PLCH1: variants seen among roughly 807,000 people sequenced by gnomAD.
PLCH1 encodes the protein phospholipase C eta 1, also known as 1-phosphatidylinositol 4,5-bisphosphate phosphodiesterase eta-1.
In PLCH1, 60 loss-of-function variants were observed where a neutral mutation model predicts 126.7. The observed-to-expected ratio is 0.47, with a 90% CI of 0.38 to 0.59. The LOEUF is 0.59. PLCH1 is among the 20% of genes least tolerant of loss of function. The pLI is 0.00. For missense variants in PLCH1, 1,723 were observed against 2,040.0 expected (o/e 0.84, Z 2.99); for synonymous variants, 719 against 734.9 (o/e 0.98, Z 0.35).
intron 10 of PLCH1, among the ~76,000 whole-genome samples, chr3:155,548,532 T>G (rs1054647785): frequency 1.3e-5 from 2 of 152,222 alleles, no homozygotes; most frequent in African/African-American, 4.8e-5. Flanking sequence ...CACTGTGAGT[T>G]CCACTGTCCA....
At chr3:155,692,938 A>G (rs924539141) in intron 2 of PLCH1, among the ~76,000 whole-genome samples, 4 of 151,872 alleles carry the variant, frequency 2.6e-5, no homozygotes, top group Non-Finnish European at 5.9e-5. Flanking sequence ...GCACGCTGCC[A>G]CGCCCGGCTA....
intron 21 of PLCH1, among the ~76,000 whole-genome samples, chr3:155,468,612 A>G (rs929631746): frequency 6.6e-6 from 1 of 152,258 alleles, no homozygotes; most frequent in Admixed American, 6.5e-5. Context: ...CAGACAAAAT[A>G]GATTTCAAGA....
intron 1 of PLCH1, among the ~76,000 whole-genome samples, chr3:155,716,433 G>C (rs1481319268): frequency 1.3e-5 from 2 of 152,230 alleles, no homozygotes; most frequent in African/African-American, 4.8e-5. Flanking sequence ...TAATTTATAA[G>C]AAAAGAGGTT....
chr3:155,485,402 A>T lies in PLCH1; in HGVS notation c.2928T>A (p.Pro976=), dbSNP rs752223218. Residue 976 remains proline, a synonymous_variant, in exon 22 of 23, where the codon CCT becomes CCA. Coordinates refer to ENST00000460012, the MANE Select transcript of PLCH1 (RefSeq NM_014996.4). The part of the protein sequence containing the change: ...DRNLLGALSL[P]VSETAKDIEG... ...CAATGTCTTTTGCTGTTTCAGATAC[A>T]GGCAGCGACAAAGCTCCCAGAAGGT... is the stretch of plus-strand genomic sequence containing the variant. The T allele has an allele frequency of 3.1e-6, 5 of 1,609,290 alleles. No homozygotes were observed. The highest frequency in any genetic ancestry group is 4.3e-6 in the Non-Finnish European group (5 of 1,175,910).
At chr3:155,715,670 T>G (rs1436561624) in intron 1 of PLCH1, among the ~76,000 whole-genome samples, 1 of 148,560 alleles carries the variant, frequency 6.7e-6, no homozygotes, top group Non-Finnish European at 1.5e-5. Context: ...TGGAGTGCAG[T>G]GGCATGATCA....
chr3:155,485,861 C>A (rs759606485), intron 21 of PLCH1, 151 bp from the exon 22 acceptor site: 112 of 609,694 alleles, frequency 1.8e-4, no homozygotes, highest in Non-Finnish European at 3.1e-4. Context: ...CAGCTCACAG[C>A]ATGTTTGCAC....
At chr3:155,558,036 A>T (rs1054714564) in intron 8 of PLCH1, among the ~76,000 whole-genome samples, 1 of 152,198 alleles carries the variant, frequency 6.6e-6, no homozygotes, top group Non-Finnish European at 1.5e-5. Flanking sequence ...TGACAAGCCC[A>T]CCTCACCAAA....
chr3:155,560,146 A>C (rs1231881917), intron 8 of PLCH1, among the ~76,000 whole-genome samples: 2 of 152,210 alleles, frequency 1.3e-5, no homozygotes, highest in Non-Finnish European at 2.9e-5. Context: ...AAAGTTGTAA[A>C]ATTGTCTAGA....
At chr3:155,510,999 T>G (rs368865427) in intron 12 of PLCH1, among the ~76,000 whole-genome samples, 54 of 124,938 alleles carry the variant, frequency 4.3e-4, no homozygotes, top group Admixed American at 7.1e-4. Context: ...ACACCAATCA[T>G]ACGTAGATTT....
chr3:155,675,093 C>T (rs1743956719), intron 2 of PLCH1, among the ~76,000 whole-genome samples: 1 of 152,100 alleles, frequency 6.6e-6, no homozygotes, highest in South Asian at 2.1e-4. Flanking sequence ...AACCATGGTA[C>T]AATTTATGTT....
At chr3:155,654,883 A>G (rs73874899) in intron 2 of PLCH1, among the ~76,000 whole-genome samples, 5,298 of 152,146 alleles carry the variant, frequency 0.035, 332 homozygotes, top group African/African-American at 0.12. Flanking sequence ...TCTAAATCCC[A>G]TGGTCTGACC....
At chr3:155,704,016 TAAAC>T (rs1746470281) in intron 2 of PLCH1, 126 bp downstream of exon 2, 1 of 411,966 alleles carries the variant, frequency 2.4e-6, no homozygotes, top group Admixed American at 4.4e-5. Flanking sequence ...TAATTATTCA[TAAAC>T]AAGTTAACTC....
chr3:155,581,955 G>C (rs894437508), intron 6 of PLCH1, among the ~76,000 whole-genome samples: 5 of 150,894 alleles, frequency 3.3e-5, no homozygotes, highest in African/African-American at 9.7e-5. Flanking sequence ...CTCCATGTTG[G>C]TCAGGCTGGT....
At chr3:155,617,925 C>T (rs1172822617) in intron 2 of PLCH1, among the ~76,000 whole-genome samples, 1 of 152,092 alleles carries the variant, frequency 6.6e-6, no homozygotes, top group Non-Finnish European at 1.5e-5. Context: ...GGAATTCATC[C>T]AATTCATACA....
intron 2 of PLCH1, among the ~76,000 whole-genome samples, chr3:155,688,961 C>G (rs77923389): frequency 6.6e-6 from 1 of 152,048 alleles, no homozygotes; most frequent in Non-Finnish European, 1.5e-5. Context: ...TGCCTGGGGC[C>G]GGGGGGGATC....
At chr3:155,518,448 A>G (rs553648498) in intron 11 of PLCH1, among the ~76,000 whole-genome samples, 32 of 152,344 alleles carry the variant, frequency 2.1e-4, no homozygotes, top group Non-Finnish European at 3.2e-4. Context: ...TTCCCATTCA[A>G]GACTGTGGCT....
chr3:155,712,229 C>T (rs1199570350), intron 1 of PLCH1, among the ~76,000 whole-genome samples: 2 of 152,310 alleles, frequency 1.3e-5, no homozygotes, highest in African/African-American at 2.4e-5. Context: ...AAGTTTTTAA[C>T]AAGTCCTCTC....
At chr3:155,655,211 G>A (rs1462288107) in intron 2 of PLCH1, among the ~76,000 whole-genome samples, 1 of 152,148 alleles carries the variant, frequency 6.6e-6, no homozygotes, top group Non-Finnish European at 1.5e-5. Flanking sequence ...CAAGTCAGGA[G>A]GATCAATTGA....
At chr3:155,557,047 T>G (rs1212308251) in intron 8 of PLCH1, among the ~76,000 whole-genome samples, 1 of 152,042 alleles carries the variant, frequency 6.6e-6, no homozygotes, top group Non-Finnish European at 1.5e-5. Flanking sequence ...CTAAAAACAA[T>G]GTTTAAGGAT....
Sources: gnomAD v4.1 joint callset for allele counts (sites outside exome capture counted in the v4.1 genomes callset) on GRCh38, gnomAD v4.1.1 for gene constraint, MANE v1.5 for transcripts, NCBI Gene and HGNC (gene_info 2026-07-23, HGNC 2026-07-21) for gene names.